Variants in ARHGEF10 observed in about 807,000 individuals in gnomAD.
ARHGEF10 encodes Rho guanine nucleotide exchange factor (GEF) 10.
A neutral mutation model predicts 147.4 loss-of-function variants in ARHGEF10; 140 were observed. The ratio of observed to expected loss-of-function variants is 0.95; its 90% CI spans 0.83 to 1.09. ARHGEF10 has a LOEUF of 1.09. Among genes scored for constraint, ARHGEF10 ranks in the 50% least tolerant of loss-of-function variants. The probability of loss-of-function intolerance (pLI) is 0.00; values close to 1 mark genes in which losing one functional copy is unlikely to be tolerated. For missense variants in ARHGEF10, 2,222 were observed against 1,752.7 expected (o/e 1.27, Z -4.78); for synonymous variants, 902 against 695.8 (o/e 1.30, Z -4.67).
intron 7 of ARHGEF10, among the ~76,000 whole-genome samples, chr8:1,874,847 G>C (rs1162236954): frequency 2.3e-5 from 3 of 129,860 alleles, no homozygotes; most frequent in Admixed American, 7.6e-5. Flanking sequence ...CGGCGTGTAG[G>C]GGGTAGAGGT....
At chr8:1,863,725 C>A (rs908836337) in intron 4 of ARHGEF10, among the ~76,000 whole-genome samples, 1 of 152,110 alleles carries the variant, frequency 6.6e-6, no homozygotes, top group Non-Finnish European at 1.5e-5. Context: ...TAAGTTCGTA[C>A]CCCACCTGTG....
intron 27 of ARHGEF10, 104 bp downstream of exon 27, chr8:1,945,759 C>T (rs1814528024): frequency 3.4e-6 from 5 of 1,486,718 alleles, no homozygotes; most frequent in South Asian, 1.1e-5. Context: ...GTGCAGGACA[C>T]TGTTCACAAC....
In ARHGEF10 at chr8:1,909,481, C is replaced by T. The variant is rs764006525; in HGVS notation, c.2143+11C>T. 6.2e-7 allele frequency: 1 copy of T among 1,613,732 alleles called. No individual in the cohort carries two copies. On this transcript the variant is annotated intron_variant, in intron 18 of 28. Transcript: ENST00000349830. The stretch of plus-strand genomic sequence containing the variant: ...CTAACGCGAAACCAAGTAAGTGATG[C>T]TTTCTCTCACGTTCGTGCCGTGGGG...
rs75893223 is a variant in ARHGEF10 at position 1,854,332 on chromosome 8, C to T, written c.38-3628C>T. 4.9e-3 allele frequency among the ~76,000 whole-genome samples: 740 copies of T among 152,334 alleles called. 3 individuals are homozygous for T. The highest frequency in any genetic ancestry group is 0.017 in the African/African-American group (691 of 41,572). On this transcript the variant is annotated intron_variant, in intron 2 of 28. Coordinates refer to ENST00000349830, the MANE Select transcript of ARHGEF10 (RefSeq NM_014629.4). ...GGCCTCGCCCTCTGTCCTGGGCGCCCGCCGTGGGCACAGCTGTGGGCACCC... is the reference window on the plus strand; with the variant it reads ...GGCCTCGCCCTCTGTCCTGGGCGCCTGCCGTGGGCACAGCTGTGGGCACCC...
At chr8:1,871,112 C>CAAAAAAAAAAAAAAA in intron 7 of ARHGEF10, 1 of 78,976 alleles carries the variant, frequency 1.3e-5, no homozygotes, top group Non-Finnish European at 2.5e-5. Flanking sequence ...AACTCTGTGT[C>CAAAAAAAAAAAAAAA]AAAAAAAAAA....
Position 1,842,105 on chromosome 8 carries a change from G to T in ARHGEF10, c.-47-1248G>T, listed in dbSNP as rs1490086142. ...GGGCCGCGAGGCGCCGAACCACGAG[G>T]CCAGGTGCTGGGGATGGGGCGGGGG... On this transcript the variant is annotated intron_variant, in intron 1 of 28. Transcript: ENST00000349830. Among the ~76,000 whole-genome samples the T allele has an allele frequency of 2.6e-5, 4 of 151,484 alleles. No homozygotes were observed. The East Asian group carries it at 7.8e-4, about 30-fold the overall frequency.
intron 16 of ARHGEF10, chr8:1,903,873 C>T (rs752660558): frequency 3.7e-5 from 9 of 244,660 alleles, no homozygotes; most frequent in Non-Finnish European, 4.8e-5. Flanking sequence ...GTGGGAAGAT[C>T]GCTGGAACCC....
chr8:1,839,847 A>G (rs1173354026), intron 1 of ARHGEF10, among the ~76,000 whole-genome samples: 8 of 77,500 alleles, frequency 1.0e-4, no homozygotes, highest in East Asian at 4.4e-4. Flanking sequence ...TCTGGTGTGG[A>G]AGCTGTCTGG....
rs1446969595 is a variant in ARHGEF10, at chr8:1,858,044, A to C, written c.122A>C (p.Glu41Ala). The C allele has an allele frequency of 1.2e-6, 2 of 1,614,050 alleles. No homozygotes were observed. The highest frequency in any genetic ancestry group is 1.7e-6 in the Non-Finnish European group (2 of 1,180,026). The change falls in exon 3 of 29, where the codon GAA (glutamate) becomes GCA (alanine). Residue 41 changes from glutamate (E) to alanine (A), a missense_variant. Coordinates refer to ENST00000349830, the MANE Select transcript of ARHGEF10 (RefSeq NM_014629.4). ...TTTGACAGTGGAGATGAAATCCCAG[A>C]AGCGGACAGACAGGCCCCATCCGCC... ...FDFDSGDEIP[E>A]ADRQAPSAPE...
chr8:1,922,415 A>C (rs2129210687), intron 18 of ARHGEF10, among the ~76,000 whole-genome samples: 1 of 152,300 alleles, frequency 6.6e-6, no homozygotes, highest in East Asian at 1.9e-4. Flanking sequence ...TCTAAAAAAT[A>C]CAAAAGGGAC....
At chr8:1,882,223 C>G (rs959072669) in intron 9 of ARHGEF10, among the ~76,000 whole-genome samples, 1 of 152,246 alleles carries the variant, frequency 6.6e-6, no homozygotes, top group Non-Finnish European at 1.5e-5. Flanking sequence ...GCCATGCCCC[C>G]ACATGGGGTG....
At chr8:1,841,345 C>A (rs1804017395) in intron 1 of ARHGEF10, among the ~76,000 whole-genome samples, 1 of 152,224 alleles carries the variant, frequency 6.6e-6, no homozygotes, top group African/African-American at 2.4e-5. Context: ...GCCCTGAACG[C>A]ACACTGATGA....
chr8:1,929,003 G>A (rs1431497043), intron 24 of ARHGEF10, among the ~76,000 whole-genome samples: 3 of 152,170 alleles, frequency 2.0e-5, no homozygotes, highest in Non-Finnish European at 4.4e-5. Context: ...ATACTGAATT[G>A]CTGACACCAT....
chr8:1,952,659 C>G, intron 27 of ARHGEF10, 46 bp from the exon 28 acceptor site: 3 of 1,611,230 alleles, frequency 1.9e-6, no homozygotes, highest in Non-Finnish European at 2.5e-6. Flanking sequence ...CCCACCAACT[C>G]TGCTACACAA....
chr8:1,843,260 C>T, intron 1 of ARHGEF10, 93 bp from the exon 2 acceptor site: 1 of 921,184 alleles, frequency 1.1e-6, no homozygotes, highest in East Asian at 2.6e-5. Flanking sequence ...TTAGCTCTTC[C>T]TTTTTGCGGG....
In ARHGEF10 at chr8:1,885,727, CAG is replaced by C. The variant is rs761186334; in HGVS notation, c.1182+21_1182+22del. The C allele has an allele frequency of 1.0e-5, 16 of 1,557,798 alleles. No homozygotes were observed. The highest frequency in any genetic ancestry group is 8.3e-5 in the Admixed American group (5 of 59,940). On this transcript the variant is annotated intron_variant, in intron 11 of 28. Coordinates refer to ENST00000349830, the MANE Select transcript of ARHGEF10 (RefSeq NM_014629.4). ...CAGCAGGTGAGATGAGCAGAGCTGA[CAG>C]GGGCTGTTGACCAGCAGAGCTGTGC...
Position 1,957,066 on chromosome 8 carries a change from A to C in ARHGEF10, c.3838A>C (p.Thr1280Pro), listed in dbSNP as rs763511253. The change falls in exon 29 of 29, where the codon ACC (threonine) becomes CCC (proline). Residue 1280 changes from threonine (T) to proline (P), a missense_variant. Physicochemically the swap from Thr to Pro is conservative, Grantham distance 38 (BLOSUM62 -1). Coordinates refer to ENST00000349830, the MANE Select transcript of ARHGEF10 (RefSeq NM_014629.4). ...SSLEHRSEDSTIYDLLKDPVS... is the reference protein window; with the variant it reads ...SSLEHRSEDSPIYDLLKDPVS... ...TCTAGAGCACAGATCAGAGGACAGC[A>C]CCATCTATGATCTCCTGAAGGATCC... 6.2e-7 allele frequency: 1 copy of C among 1,613,720 alleles called. No homozygotes were observed. The highest frequency in any genetic ancestry group is 8.5e-7 in the Non-Finnish European group (1 of 1,180,018).
At chr8:1,859,598 C>T (rs988576431) in intron 3 of ARHGEF10, among the ~76,000 whole-genome samples, 156 of 152,258 alleles carry the variant, frequency 1.0e-3, no homozygotes, top group African/African-American at 3.5e-3. Context: ...TGTGTAGCAC[C>T]AGACTCTTGG....
chr8:1,928,333 G>A lies in ARHGEF10; in HGVS notation c.2698-94G>A, dbSNP rs535358874. The A allele has an allele frequency of 4.2e-4, 470 of 1,127,512 alleles. 1 individual carries two copies. The highest frequency in any genetic ancestry group is 7.9e-4 in the Admixed American group (46 of 58,126). 69.8% of individuals were successfully genotyped at this position (1,127,512 alleles called of 1,614,324 possible). On this transcript the variant is annotated intron_variant, in intron 23 of 28. Coordinates refer to ENST00000349830, the MANE Select transcript of ARHGEF10 (RefSeq NM_014629.4). ...GTGTGTTGATTCTCACATGAAAATC[G>A]AAGCTTGTCGTGGCCTTTAAGGGTC...
Sources: allele counts gnomAD v4.1 joint callset (sites outside exome capture counted in the v4.1 genomes callset), GRCh38; gene constraint gnomAD v4.1.1; transcripts MANE v1.5; gene names NCBI Gene and HGNC (gene_info 2026-07-23, HGNC 2026-07-21).